DEFB113: variants seen among roughly 807,000 people sequenced by gnomAD.
DEFB113 encodes the protein defensin beta 113.
In DEFB113, 5 loss-of-function variants were observed where a neutral mutation model predicts 2.5. The observed-to-expected ratio is 1.99, with a 90% CI of 1.04 to 4.18. DEFB113 has a LOEUF of 4.18. Among genes scored for constraint, DEFB113 ranks in the 30% most tolerant of loss-of-function variants. The pLI, the probability that DEFB113 is intolerant of heterozygous loss-of-function variation, is 0.00. For synonymous variants in DEFB113, 42 were observed against 31.6 expected (o/e 1.33, Z -1.11); for missense variants, 123 against 96.6 (o/e 1.27, Z -1.14).
chr6:49,968,738 G>A lies in DEFB113; in HGVS notation c.188C>T (p.Ala63Val), dbSNP rs201564508. ...GATTGGCTTTTGGTATTCCCATACC[G>A]CACAGCAGGGGTTAACATTGCAGTA... is the stretch of plus-strand genomic sequence containing the variant. ...YYYCNVNPCC[A>V]VWEYQKPIIN... Residue 63 changes from alanine to valine, a missense_variant, in exon 2 of 2, where the codon GCG becomes GTG. Transcript: ENST00000398718. The A allele has an allele frequency of 5.3e-5, 84 of 1,570,422 alleles. No individual in the cohort carries two copies. Among genetic ancestry groups the A allele is most frequent in the Middle Eastern group, 3.3e-4 (2 of 5,980 alleles).
intron 1 of DEFB113, 43 bp downstream of exon 1, chr6:49,969,525 A>G (rs777277858): frequency 5.9e-6 from 8 of 1,360,072 alleles, no homozygotes; most frequent in Non-Finnish European, 8.3e-6. Flanking sequence ...CATTTATAAG[A>G]ACATTTTGCC....
At position 49,968,880 on chromosome 6, in the gene DEFB113, A is replaced by G. The variant is rs1773589034; in HGVS notation, c.59-13T>C. The G allele has an allele frequency of 5.6e-6, 9 of 1,594,736 alleles. No individual in the cohort carries two copies. The highest frequency in any genetic ancestry group is 7.7e-6 in the Non-Finnish European group (9 of 1,171,432). On this transcript the variant is annotated splice_polypyrimidine_tract_variant and intron_variant, in intron 1 of 1. Transcript: ENST00000398718. The stretch of plus-strand genomic sequence containing the variant: ...TTTTTCTGTGGAACTAGGAAAAAGT[A>G]GCTATGACCATAAGTCCAGATTTAA...
intron 1 of DEFB113, among the ~76,000 whole-genome samples, 154 bp downstream of exon 1, chr6:49,969,414 A>T (rs1048334275): frequency 4.0e-5 from 6 of 151,280 alleles, no homozygotes; most frequent in Non-Finnish European, 8.9e-5. Flanking sequence ...AGTTCTACTC[A>T]TTTCTTCCCC....
chr6:49,968,869 T>A lies in DEFB113; in HGVS notation c.59-2A>T. 1 of 1,596,008 alleles carries A rather than the reference T, an allele frequency of 6.3e-7. No homozygotes were observed. Among genetic ancestry groups the A allele is most frequent in the South Asian group, 1.1e-5 (1 of 87,932 alleles). ...CTTCTCTTGTTTTTTTCTGTGGAAC[T>A]AGGAAAAAGTAGCTATGACCATAAG... On this transcript the variant is annotated splice_acceptor_variant, in intron 1 of 1. Coordinates refer to ENST00000398718, the MANE Select transcript of DEFB113 (RefSeq NM_001037729.1). LOFTEE classifies it high-confidence loss of function.
chr6:49,968,910 C>T (rs1192727914), intron 1 of DEFB113, 43 bp from the exon 2 acceptor site: 2 of 1,536,038 alleles, frequency 1.3e-6, no homozygotes, highest in East Asian at 2.4e-5. Flanking sequence ...ATTTAATATC[C>T]TTAGATACAG....
Position 49,968,852 on chromosome 6 carries a change from G to GT in DEFB113, c.73dup (p.Thr25AsnfsTer35), listed in dbSNP as rs758917875. 9.7e-5 allele frequency: 155 copies of GT among 1,597,132 alleles called. 1 individual carries two copies. The South Asian group carries it at 1.4e-3, about 14-fold the overall frequency. ...TCTTTTTCTCTCTGCAACTTCTCTT[G>GT]TTTTTTTCTGTGGAACTAGGAAAAA... On this transcript the variant is annotated frameshift_variant, in exon 2 of 2. Transcript: ENST00000398718. LOFTEE classifies it low-confidence loss of function (END_TRUNC).
chr6:49,969,447 C>A, intron 1 of DEFB113, 121 bp downstream of exon 1: 1 of 616,080 alleles, frequency 1.6e-6, no homozygotes, highest in Non-Finnish European at 2.7e-6. Flanking sequence ...GAGAAAATTG[C>A]CTTATAAGGA....
At chr6:49,969,439 G>GA (rs1247301782) in intron 1 of DEFB113, 129 bp downstream of exon 1, 10 of 580,500 alleles carry the variant, frequency 1.7e-5, no homozygotes, top group Non-Finnish European at 2.6e-5. Context: ...AAAAAATAGA[G>GA]AAAATTGCCT....
intron 1 of DEFB113, among the ~76,000 whole-genome samples, chr6:49,969,160 A>G (rs1773593902): frequency 6.6e-6 from 1 of 151,108 alleles, no homozygotes; most frequent in Admixed American, 6.6e-5. Flanking sequence ...AATAGCCTAC[A>G]TGTTCTGTGT....
chr6:49,968,881 G>C lies in DEFB113; in HGVS notation c.59-14C>G. 1 of 1,593,872 alleles carries C rather than the reference G, an allele frequency of 6.3e-7. No individual in the cohort carries two copies. The highest frequency in any genetic ancestry group is 8.5e-7 in the Non-Finnish European group (1 of 1,170,950). ...TTTTCTGTGGAACTAGGAAAAAGTA[G>C]CTATGACCATAAGTCCAGATTTAAT... is the stretch of plus-strand genomic sequence containing the variant. On this transcript the variant is annotated splice_polypyrimidine_tract_variant and intron_variant, in intron 1 of 1. Transcript: ENST00000398718.
intron 1 of DEFB113, 44 bp from the exon 2 acceptor site, chr6:49,968,911 T>G: frequency 6.5e-7 from 1 of 1,530,640 alleles, no homozygotes. Flanking sequence ...TTTAATATCC[T>G]TAGATACAGA....
Position 49,968,879 on chromosome 6 carries a change from T to G in DEFB113, c.59-12A>C. ...TTTTTTCTGTGGAACTAGGAAAAAG[T>G]AGCTATGACCATAAGTCCAGATTTA... On this transcript the variant is annotated splice_polypyrimidine_tract_variant and intron_variant, in intron 1 of 1. Coordinates refer to ENST00000398718, the MANE Select transcript of DEFB113 (RefSeq NM_001037729.1). The G allele has an allele frequency of 1.3e-6, 2 of 1,595,394 alleles. No homozygotes were observed. The highest frequency in any genetic ancestry group is 2.3e-5 in the South Asian group (2 of 87,764).
In DEFB113 at chr6:49,968,778, C is replaced by A; in HGVS notation, c.148G>T (p.Glu50Ter). 6.2e-7 allele frequency: 1 copy of A among 1,603,848 alleles called. No homozygotes were observed. Residue 50 changes from glutamate (E) to a stop codon, truncating the protein, a stop_gained, in exon 2 of 2, where the codon GAA (glutamate) becomes TAA (stop). Coordinates refer to ENST00000398718, the MANE Select transcript of DEFB113 (RefSeq NM_001037729.1). LOFTEE classifies it low-confidence loss of function (END_TRUNC). ...ACATTGCAGTAATAATATACATATTCCCAGCTGTTGCATTCCGGCTTGCAA... is the reference window on the plus strand; with the variant it reads ...ACATTGCAGTAATAATATACATATTACCAGCTGTTGCATTCCGGCTTGCAA... ...GACKPECNSW[E>*]YVYYYCNVNP...
chr6:49,968,888 C>T, intron 1 of DEFB113, 21 bp from the exon 2 acceptor site: 1 of 1,584,364 alleles, frequency 6.3e-7, no homozygotes, highest in Non-Finnish European at 8.6e-7. Context: ...GTAGCTATGA[C>T]CATAAGTCCA....
Position 49,969,617 on chromosome 6 carries a change from T to C in DEFB113, c.9A>G (p.Ile3Met), listed in dbSNP as rs1407733182. Reference sequence around the variant, plus strand: ...AGACAAAGGTCAGAAAAATACAAAGTATCTTCATTGCTGATGCAGTTACAC... The same window carrying C: ...AGACAAAGGTCAGAAAAATACAAAGCATCTTCATTGCTGATGCAGTTACAC... Reference protein sequence around the residue: MKILCIFLTFVFT... With the variant: MKMLCIFLTFVFT... Residue 3 changes from isoleucine to methionine, a missense_variant, in exon 1 of 2, where the codon ATA becomes ATG. Transcript: ENST00000398718. The C allele has an allele frequency of 6.2e-7, 1 of 1,605,828 alleles. No homozygotes were observed. The highest frequency in any genetic ancestry group is 8.5e-7 in the Non-Finnish European group (1 of 1,174,280).
At position 49,969,549 on chromosome 6, in the gene DEFB113, T is replaced by C; in HGVS notation, c.58+19A>G. 6.4e-7 allele frequency: 1 copy of C among 1,569,148 alleles called. No individual in the cohort carries two copies. The highest frequency in any genetic ancestry group is 8.7e-7 in the Non-Finnish European group (1 of 1,147,460). The stretch of plus-strand genomic sequence containing the variant: ...GAACATTTTGCCTTTCACATCTTTT[T>C]TATAATAACAAATATTACCTGATGG... On this transcript the variant is annotated intron_variant, in intron 1 of 1. Coordinates refer to ENST00000398718, the MANE Select transcript of DEFB113 (RefSeq NM_001037729.1).
Position 49,968,839 on chromosome 6 carries a change from T to G in DEFB113, c.87A>C (p.Ala29=). Reference sequence around the variant, plus strand: ...CAAGCTGACATTCTCTTTTTCTCTCTGCAACTTCTCTTGTTTTTTTCTGTG... The same window carrying G: ...CAAGCTGACATTCTCTTTTTCTCTCGGCAACTTCTCTTGTTTTTTTCTGTG... ...SVPQKKTREV[A]ERKRECQLVR... is the part of the protein sequence containing the mutation. The change falls in exon 2 of 2, where the codon GCA becomes GCC. Residue 29 remains alanine (A), a synonymous_variant. Transcript: ENST00000398718. 6.2e-7 allele frequency: 1 copy of G among 1,600,020 alleles called. No homozygotes were observed. The highest frequency in any genetic ancestry group is 1.1e-5 in the South Asian group (1 of 88,410).
chr6:49,969,612 C>A lies in DEFB113; in HGVS notation c.14G>T (p.Cys5Phe). Residue 5 changes from cysteine to phenylalanine, a missense_variant, in exon 1 of 2, where the codon TGT becomes TTT. Coordinates refer to ENST00000398718, the MANE Select transcript of DEFB113 (RefSeq NM_001037729.1). ...AGTGAAGACAAAGGTCAGAAAAATA[C>A]AAAGTATCTTCATTGCTGATGCAGT... Reference protein sequence around the residue: MKILCIFLTFVFTVS... With the variant: MKILFIFLTFVFTVS... The A allele has an allele frequency of 1.2e-6, 2 of 1,605,950 alleles. No individual in the cohort carries two copies. Among genetic ancestry groups the A allele is most frequent in the Non-Finnish European group, 1.7e-6 (2 of 1,174,522 alleles).
intron 1 of DEFB113, among the ~76,000 whole-genome samples, chr6:49,969,347 A>G (rs1421991821): frequency 1.3e-5 from 2 of 151,218 alleles, no homozygotes; most frequent in African/African-American, 4.8e-5. Flanking sequence ...AAACAACACA[A>G]TAAATAAATT....
Sources: allele counts gnomAD v4.1 joint callset (sites outside exome capture counted in the v4.1 genomes callset), GRCh38; gene constraint gnomAD v4.1.1; transcripts MANE v1.5; gene names NCBI Gene and HGNC (gene_info 2026-07-23, HGNC 2026-07-21).